Variants in ERC1 observed in about 807,000 individuals in gnomAD.
The protein encoded by ERC1 is RAB6 interacting protein 2.
Under a neutral mutation model 132.0 loss-of-function variants are expected in ERC1, and 56 were observed. That is an observed-to-expected ratio of 0.42 (90% CI 0.34 to 0.53). The LOEUF (loss-of-function observed/expected upper bound fraction) is 0.53. ERC1 is among the 20% of genes least tolerant of loss of function. The pLI is 0.03. For synonymous variants in ERC1, 478 were observed against 476.1 expected, an observed-to-expected ratio of 1.00 and a Z score of -0.05; for missense variants, 1,202 against 1,349.9, an observed-to-expected ratio of 0.89 and a Z score of 1.72.
chr12:1,116,289 C>A, intron 7 of ERC1: 1 of 311,712 alleles, frequency 3.2e-6, no homozygotes, highest in Non-Finnish European at 5.8e-6. Flanking sequence ...TCAAAGTATA[C>A]TCTGACAGTA....
At chr12:1,278,651 C>T (rs1002882365) in intron 14 of ERC1, among the ~76,000 whole-genome samples, 19 of 152,118 alleles carry the variant, frequency 1.2e-4, no homozygotes, top group Non-Finnish European at 2.2e-4. Flanking sequence ...ATGGTTAAAA[C>T]GGACATTTCT....
intron 1 of ERC1, among the ~76,000 whole-genome samples, chr12:1,015,397 GAAAGA>G (rs972481573): frequency 2.0e-5 from 3 of 152,054 alleles, no homozygotes; most frequent in Non-Finnish European, 4.4e-5. Context: ...AGGATTGCCT[GAAAGA>G]AATTTTTTTT....
At chr12:1,143,329 CGTGTGT>C (rs4017792) in intron 8 of ERC1, among the ~76,000 whole-genome samples, 18,968 of 128,678 alleles carry the variant, frequency 0.15, 1,374 homozygotes, top group Middle Eastern at 0.17. Context: ...GCTTTTGACT[CGTGTGT>C]GTGTGTGTGT....
intron 7 of ERC1, among the ~76,000 whole-genome samples, chr12:1,136,480 T>A (rs1436698946): frequency 6.6e-6 from 1 of 152,212 alleles, no homozygotes; most frequent in Non-Finnish European, 1.5e-5. Context: ...TTTGGCAACA[T>A]TCTTCTCCAT....
At chr12:1,069,279 C>A (rs958382314) in intron 2 of ERC1, among the ~76,000 whole-genome samples, 6 of 152,148 alleles carry the variant, frequency 3.9e-5, no homozygotes, top group African/African-American at 1.4e-4. Flanking sequence ...GGCTGGATAT[C>A]TGACTCCTTT....
chr12:1,014,421 C>G (rs913425916), intron 1 of ERC1, among the ~76,000 whole-genome samples: 16 of 152,024 alleles, frequency 1.1e-4, no homozygotes, highest in Admixed American at 8.5e-4. Context: ...GGAGATCCAC[C>G]CATCTTGGCC....
chr12:1,470,958 C>T (rs932492825), intron 18 of ERC1, among the ~76,000 whole-genome samples: 4 of 152,126 alleles, frequency 2.6e-5, no homozygotes, highest in African/African-American at 9.7e-5. Flanking sequence ...AGAGATGGTC[C>T]CCTGTTTTCT....
At chr12:997,892 A>G (rs1040771127) in intron 1 of ERC1, among the ~76,000 whole-genome samples, 9 of 152,228 alleles carry the variant, frequency 5.9e-5, no homozygotes, top group Non-Finnish European at 1.2e-4. Context: ...AGGTAGCAAG[A>G]ACATTTCCCA....
chr12:1,308,239 G>A (rs750644334), intron 15 of ERC1, among the ~76,000 whole-genome samples: 12 of 149,298 alleles, frequency 8.0e-5, no homozygotes, highest in Non-Finnish European at 1.5e-4. Context: ...TTATTTGCAT[G>A]AATGGTAGCA....
intron 13 of ERC1, among the ~76,000 whole-genome samples, chr12:1,239,890 A>G (rs1358357519): frequency 6.6e-6 from 1 of 152,186 alleles, no homozygotes; most frequent in African/African-American, 2.4e-5. Context: ...TCCTGTCCCT[A>G]GGGGTTTTGA....
intron 7 of ERC1, among the ~76,000 whole-genome samples, chr12:1,122,960 G>A (rs575607439): frequency 1.3e-5 from 2 of 152,038 alleles, no homozygotes; most frequent in East Asian, 3.9e-4. Flanking sequence ...TTCTAGCAGC[G>A]GTACAGATGA....
intron 2 of ERC1, among the ~76,000 whole-genome samples, chr12:1,032,864 GT>G (rs879441852): frequency 2.0e-4 from 29 of 146,068 alleles, no homozygotes; most frequent in Admixed American, 7.5e-4. Flanking sequence ...ACATTCTCAG[GT>G]TTTTTTTTTT....
At chr12:1,168,077 T>C (rs534742635) in intron 8 of ERC1, among the ~76,000 whole-genome samples, 38 of 152,278 alleles carry the variant, frequency 2.5e-4, no homozygotes, top group African/African-American at 8.7e-4. Context: ...TTTGTTTCAT[T>C]GCATCCCATT....
At chr12:1,179,494 AT>A (rs869030590) in intron 8 of ERC1, among the ~76,000 whole-genome samples, 2 of 121,864 alleles carry the variant, frequency 1.6e-5, no homozygotes, top group African/African-American at 6.1e-5. Flanking sequence ...GAGTCTATTC[AT>A]TTTTCTTTTT....
chr12:1,340,102 G>A (rs911390869), intron 15 of ERC1, among the ~76,000 whole-genome samples: 3 of 152,146 alleles, frequency 2.0e-5, no homozygotes, highest in African/African-American at 7.2e-5. Flanking sequence ...GCCTGCTTGA[G>A]TTCTCTGCCA....
chr12:1,487,048 T>TC (rs2094230090), intron 18 of ERC1, among the ~76,000 whole-genome samples: 1 of 152,168 alleles, frequency 6.6e-6, no homozygotes, highest in African/African-American at 2.4e-5. Flanking sequence ...GACTTTAGGG[T>TC]CTGTAGCCTT....
chr12:1,210,780 G>A (rs1291238841), intron 12 of ERC1, among the ~76,000 whole-genome samples: 3 of 152,120 alleles, frequency 2.0e-5, no homozygotes, highest in Admixed American at 6.5e-5. Context: ...TGGATCACGA[G>A]GTCAAGAGGT....
intron 7 of ERC1, among the ~76,000 whole-genome samples, chr12:1,136,357 T>G (rs977346521): frequency 2.0e-5 from 3 of 152,230 alleles, no homozygotes; most frequent in African/African-American, 7.2e-5. Flanking sequence ...CTGCTCATCT[T>G]TACATGCTTT....
At chr12:1,155,652 A>T (rs1951316569) in intron 8 of ERC1, among the ~76,000 whole-genome samples, 1 of 151,904 alleles carries the variant, frequency 6.6e-6, no homozygotes, top group Non-Finnish European at 1.5e-5. Flanking sequence ...AATTTTTTGT[A>T]TTTTTAGTAG....
Sources: allele counts gnomAD v4.1 joint callset (sites outside exome capture counted in the v4.1 genomes callset), GRCh38; gene constraint gnomAD v4.1.1; transcripts MANE v1.5; gene names NCBI Gene and HGNC (gene_info 2026-07-23, HGNC 2026-07-21).